Variants in MAP7 observed in about 807,000 individuals in gnomAD.
MAP7 encodes the protein ensconsin.
In MAP7, 52 loss-of-function variants were observed where a neutral mutation model predicts 94.8. The ratio of observed to expected loss-of-function variants is 0.55; its 90% CI spans 0.44 to 0.69. MAP7 has a LOEUF of 0.69. Among genes scored for constraint, MAP7 ranks in the 30% least tolerant of loss-of-function variants. MAP7 has a pLI of 0.00. For missense variants in MAP7, 940 were observed against 964.6 expected (o/e 0.97, Z 0.34); for synonymous variants, 350 against 357.0 (o/e 0.98, Z 0.22).
At chr6:136,452,199 A>AAACAAAACAG (rs1801348074) in intron 1 of MAP7, among the ~76,000 whole-genome samples, 1 of 130,140 alleles carries the variant, frequency 7.7e-6, no homozygotes, top group Non-Finnish European at 1.5e-5. Flanking sequence ...GTCTCAAACA[A>AAACAAAACAG]AACAAAACAA....
intron 1 of MAP7, among the ~76,000 whole-genome samples, chr6:136,549,698 A>C (rs1380894348): frequency 6.6e-6 from 1 of 152,218 alleles, no homozygotes; most frequent in Non-Finnish European, 1.5e-5. Flanking sequence ...CCGACAAGTC[A>C]ACGAAAGTCT....
intron 1 of MAP7, among the ~76,000 whole-genome samples, chr6:136,474,593 A>C (rs981385721): frequency 2.0e-5 from 3 of 152,238 alleles, no homozygotes; most frequent in Admixed American, 1.3e-4. Flanking sequence ...CAAGAAAGAA[A>C]AGAAGATGCA....
At chr6:136,539,611 G>A (rs1317944975) in intron 1 of MAP7, among the ~76,000 whole-genome samples, 1 of 152,188 alleles carries the variant, frequency 6.6e-6, no homozygotes, top group African/African-American at 2.4e-5. Context: ...CCAAAGGTAA[G>A]CCCTCCCAGA....
intron 1 of MAP7, among the ~76,000 whole-genome samples, chr6:136,485,601 C>T (rs1037309895): frequency 6.6e-5 from 8 of 121,252 alleles, no homozygotes; most frequent in Admixed American, 3.2e-4. Context: ...CTCGCTCTGT[C>T]GCCCAGGCTG....
In MAP7 at chr6:136,388,483, T is replaced by C. The variant is rs769411447; in HGVS notation, c.436A>G (p.Thr146Ala). Residue 146 changes from threonine (T) to alanine (A), a missense_variant, in exon 5 of 18, where the codon ACA becomes GCA. Transcript: ENST00000354570. ...TTTGGCTTCTGGCTCCTTTCCATTGTGCGCCGTACAACAGCTTCGTGGCGT... is the reference window on the plus strand; with the variant it reads ...TTTGGCTTCTGGCTCCTTTCCATTGCGCGCCGTACAACAGCTTCGTGGCGT... The part of the protein sequence containing the change: ...KERHEAVVRR[T>A]MERSQKPKQK... 2 of 1,614,178 alleles carry C rather than the reference T, an allele frequency of 1.2e-6. No homozygotes were observed.
At chr6:136,349,151 C>A (rs1017709657) in intron 16 of MAP7, among the ~76,000 whole-genome samples, 20 of 152,226 alleles carry the variant, frequency 1.3e-4, no homozygotes, top group African/African-American at 4.1e-4. Context: ...TATCCATGGA[C>A]AAATATTTTC....
At chr6:136,534,076 A>G (rs533742350) in intron 1 of MAP7, among the ~76,000 whole-genome samples, 34 of 152,334 alleles carry the variant, frequency 2.2e-4, no homozygotes, top group African/African-American at 7.7e-4. Flanking sequence ...AGCGATTTGT[A>G]TGATTCTGGG....
intron 5 of MAP7, among the ~76,000 whole-genome samples, chr6:136,385,181 C>T (rs994495178): frequency 1.3e-5 from 2 of 152,144 alleles, no homozygotes; most frequent in Admixed American, 6.5e-5. Flanking sequence ...CTATTTATAG[C>T]ACACTGGTAA....
intron 2 of MAP7, 111 bp from the exon 3 acceptor site, chr6:136,411,808 C>T: frequency 1.2e-6 from 1 of 812,544 alleles, no homozygotes; most frequent in Non-Finnish European, 1.9e-6. Flanking sequence ...TAATATATTG[C>T]TGCACTTTAC....
At chr6:136,435,761 G>C (rs563483682) in intron 1 of MAP7, among the ~76,000 whole-genome samples, 55 of 152,118 alleles carry the variant, frequency 3.6e-4, no homozygotes, top group Admixed American at 5.9e-4. Context: ...CTGAGGACAG[G>C]GTAGGGAGAA....
At chr6:136,407,088 A>G (rs1785852363) in intron 3 of MAP7, among the ~76,000 whole-genome samples, 1 of 152,266 alleles carries the variant, frequency 6.6e-6, no homozygotes. Flanking sequence ...TGTTTAGAAC[A>G]CTGCCTGGCC....
chr6:136,482,197 T>A (rs1254703154), intron 1 of MAP7, among the ~76,000 whole-genome samples: 1 of 152,224 alleles, frequency 6.6e-6, no homozygotes, highest in African/African-American at 2.4e-5. Context: ...TTAGTCACAG[T>A]GGAAAGCAGT....
intron 1 of MAP7, among the ~76,000 whole-genome samples, chr6:136,486,293 C>T (rs910096503): frequency 1.3e-5 from 2 of 152,092 alleles, no homozygotes; most frequent in Non-Finnish European, 2.9e-5. Flanking sequence ...TCATGAACAC[C>T]AGAATGAAGG....
intron 1 of MAP7, among the ~76,000 whole-genome samples, chr6:136,503,538 G>A (rs940078224): frequency 6.6e-6 from 1 of 151,966 alleles, no homozygotes; most frequent in Non-Finnish European, 1.5e-5. Flanking sequence ...CCAGTGACTC[G>A]GCATACCTTA....
At chr6:136,545,533 G>A (rs988908353) in intron 1 of MAP7, 1 of 152,094 alleles carries the variant, frequency 6.6e-6, no homozygotes, top group African/African-American at 2.4e-5. Flanking sequence ...CCAGAAAAAT[G>A]TACTAGCCTC....
intron 13 of MAP7, among the ~76,000 whole-genome samples, 161 bp from the exon 14 acceptor site, chr6:136,360,192 C>T (rs953750729): frequency 5.3e-5 from 8 of 150,490 alleles, no homozygotes; most frequent in Admixed American, 1.3e-4. Context: ...TGCCCTGTCA[C>T]GCAGGCTGGA....
rs3799447 is a variant in MAP7 at position 136,506,009 on chromosome 6, T to C, written c.67+44333A>G. Among the ~76,000 whole-genome samples the C allele has an allele frequency of 5.6e-3, 857 of 152,268 alleles. 4 individuals are homozygous for C. The highest frequency in any genetic ancestry group is 0.039 in the East Asian group (204 of 5,186). On this transcript the variant is annotated intron_variant, in intron 1 of 17. Coordinates refer to ENST00000354570, the MANE Select transcript of MAP7 (RefSeq NM_003980.6). ...GTGATTGGTAAAGAAGATTTAATAA[T>C]GTATTTAAGCCTTGAGAAATTTCTT...
intron 1 of MAP7, among the ~76,000 whole-genome samples, chr6:136,507,909 A>G (rs182245902): frequency 6.6e-6 from 1 of 152,332 alleles, no homozygotes; most frequent in African/African-American, 2.4e-5. Flanking sequence ...ATGGCCTCCA[A>G]GACACCACAA....
At chr6:136,516,878 C>G (rs1825015027) in intron 1 of MAP7, among the ~76,000 whole-genome samples, 1 of 151,980 alleles carries the variant, frequency 6.6e-6, no homozygotes, top group South Asian at 2.1e-4. Flanking sequence ...CTGGCAGAAA[C>G]CTGTCCATTA....
Sources: gnomAD v4.1 joint callset for allele counts (sites outside exome capture counted in the v4.1 genomes callset) on GRCh38, gnomAD v4.1.1 for gene constraint, MANE v1.5 for transcripts, NCBI Gene and HGNC (gene_info 2026-07-23, HGNC 2026-07-21) for gene names.